The following DHX29 variants were observed in gnomAD, a reference collection of about 807,000 sequenced individuals.
DHX29 encodes the protein DExH-box helicase 29, also known as ATP-dependent RNA helicase DHX29.
DHX29 carries 79 observed loss-of-function variants against 167.9 expected under a neutral mutation model. The ratio of observed to expected loss-of-function variants is 0.47; its 90% CI spans 0.39 to 0.57. The LOEUF (loss-of-function observed/expected upper bound fraction) is 0.57. Among genes scored for constraint, DHX29 ranks in the 20% least tolerant of loss-of-function variants. The pLI, the probability that DHX29 is intolerant of heterozygous loss-of-function variation, is 0.00. For synonymous variants in DHX29, 530 were observed against 546.0 expected (o/e 0.97, Z 0.41); for missense variants, 1,347 against 1,593.4 (o/e 0.85, Z 2.63).
At chr5:55,271,065 G>A (rs188816713) in intron 18 of DHX29, among the ~76,000 whole-genome samples, 3 of 152,164 alleles carry the variant, frequency 2.0e-5, no homozygotes, top group African/African-American at 4.8e-5. Flanking sequence ...TACCTTTCAC[G>A]ATACAGTTAA....
chr5:55,300,005 A>G (rs149132054), intron 1 of DHX29, among the ~76,000 whole-genome samples: 1 of 152,338 alleles, frequency 6.6e-6, no homozygotes, highest in African/African-American at 2.4e-5. Flanking sequence ...GTTTTTGTTT[A>G]TGTGGGTTAT....
At chr5:55,293,984 C>T in intron 6 of DHX29, 33 bp downstream of exon 6, 1 of 1,591,958 alleles carries the variant, frequency 6.3e-7, no homozygotes, top group Non-Finnish European at 8.5e-7. Context: ...TTAAGAGCAT[C>T]CAGTTAGAAG....
intron 10 of DHX29, 70 bp from the exon 11 acceptor site, chr5:55,283,881 A>G: frequency 7.7e-7 from 1 of 1,297,242 alleles, no homozygotes; most frequent in South Asian, 1.5e-5. Context: ...ATTAGCACTT[A>G]AAAGGATAGC....
rs1174280678 is a variant in DHX29 at position 55,269,776 on chromosome 5, A to T, written c.3070-139T>A. The stretch of plus-strand genomic sequence containing the variant: ...AATGTGAAAGTAGGGCTATCCTGTT[A>T]TTTTTTTTATAATGGGGGTAGAGGA... On this transcript the variant is annotated intron_variant, in intron 20 of 26. Coordinates refer to ENST00000251636, the MANE Select transcript of DHX29 (RefSeq NM_019030.4). 4 of 652,808 alleles carry T rather than the reference A, an allele frequency of 6.1e-6. No individual in the cohort carries two copies. In the African/African-American group the frequency reaches 7.9e-5, roughly 13 times the overall value. 40.4% of individuals were successfully genotyped at this position (652,808 alleles called of 1,614,324 possible).
At position 55,285,338 on chromosome 5, in the gene DHX29, C is replaced by T. The variant is rs370602839; in HGVS notation, c.1311G>A (p.Gln437=). 459 of 1,613,896 alleles carry T rather than the reference C, an allele frequency of 2.8e-4. 2 individuals carry two copies. The highest frequency in any genetic ancestry group is 3.9e-4 in the Non-Finnish European group (455 of 1,180,024). ...TILTEDGMQA[Q]HLGATLALYR... Reference sequence around the variant, plus strand: ...AAAGGGCTAAAGTAGCTCCCAGGTGCTGAGCTTGCATGCCATCTTCTGTTA... The same window carrying T: ...AAAGGGCTAAAGTAGCTCCCAGGTGTTGAGCTTGCATGCCATCTTCTGTTA... The change falls in exon 10 of 27, where the codon CAG becomes CAA. Residue 437 remains glutamine, a synonymous_variant. Coordinates refer to ENST00000251636, the MANE Select transcript of DHX29 (RefSeq NM_019030.4).
chr5:55,269,918 A>G (rs1479334660), intron 20 of DHX29, among the ~76,000 whole-genome samples: 1 of 152,130 alleles, frequency 6.6e-6, no homozygotes. Flanking sequence ...GGAGTCAAAA[A>G]TCTAAGAACT....
chr5:55,303,722 G>GT lies in DHX29; in HGVS notation c.187+3664dup, dbSNP rs200970532. ...TTTCCACCTTAGGGTTTTTAGGCTT[G>GT]TTTTTCCCTCTGCCACAAATACTCT... On this transcript the variant is annotated intron_variant, in intron 1 of 26. Transcript: ENST00000251636. Among the ~76,000 whole-genome samples, 805 of 152,210 alleles carry GT rather than the reference G, an allele frequency of 5.3e-3. 5 individuals are homozygous for GT. The highest frequency in any genetic ancestry group is 9.4e-3 in the Non-Finnish European group (640 of 68,008).
chr5:55,269,945 C>T (rs2111825256), intron 20 of DHX29, among the ~76,000 whole-genome samples: 1 of 152,182 alleles, frequency 6.6e-6, no homozygotes, highest in African/African-American at 2.4e-5. Flanking sequence ...TATTATAGAT[C>T]TTTCAGTCTA....
intron 6 of DHX29, among the ~76,000 whole-genome samples, chr5:55,290,609 GA>G (rs1747993343): frequency 6.6e-6 from 1 of 152,170 alleles, no homozygotes; most frequent in African/African-American, 2.4e-5. Flanking sequence ...TCAGTCATTA[GA>G]AAATAAAATA....
intron 1 of DHX29, among the ~76,000 whole-genome samples, chr5:55,299,135 C>G (rs544831341): frequency 6.6e-6 from 1 of 151,630 alleles, no homozygotes; most frequent in East Asian, 1.9e-4. Flanking sequence ...TAGTAGCTAG[C>G]AATATCCTCT....
In DHX29 at chr5:55,285,742, T is replaced by C. The variant is rs1482263513; in HGVS notation, c.1186A>G (p.Asn396Asp). The C allele has an allele frequency of 6.2e-7, 1 of 1,600,630 alleles. No homozygotes were observed. The highest frequency in any genetic ancestry group is 2.2e-5 in the East Asian group (1 of 44,510). ...ACTGGAACTTTTTCAAAGGAAGGATTTGGACTCTTGGGAAGATTCTTCCTG... is the reference window on the plus strand; with the variant it reads ...ACTGGAACTTTTTCAAAGGAAGGATCTGGACTCTTGGGAAGATTCTTCCTG... ...WVRKNLPKSP[N>D]PSFEKVPVGR... Residue 396 changes from asparagine (N) to aspartate (D), a missense_variant, in exon 9 of 27, where the codon AAT (asparagine) becomes GAT (aspartate). Coordinates refer to ENST00000251636, the MANE Select transcript of DHX29 (RefSeq NM_019030.4).
At chr5:55,284,403 T>C (rs928618419) in intron 10 of DHX29, among the ~76,000 whole-genome samples, 1 of 152,242 alleles carries the variant, frequency 6.6e-6, no homozygotes, top group African/African-American at 2.4e-5. Flanking sequence ...AATTCTGTGC[T>C]ATAAAGAATC....
intron 26 of DHX29, among the ~76,000 whole-genome samples, chr5:55,257,871 T>A (rs537816818): frequency 6.6e-6 from 1 of 152,340 alleles, no homozygotes; most frequent in South Asian, 2.1e-4. Context: ...CTTTATAAAA[T>A]GTAATTCTTT....
intron 26 of DHX29, among the ~76,000 whole-genome samples, chr5:55,257,792 G>A (rs2111766598): frequency 6.6e-6 from 1 of 152,166 alleles, no homozygotes; most frequent in South Asian, 2.1e-4. Flanking sequence ...CTCTCTTATG[G>A]CAAAGGGAAA....
rs958022112 is a variant in DHX29 at position 55,276,167 on chromosome 5, C to T, written c.2427+99G>A. 6 of 1,032,490 alleles carry T rather than the reference C, an allele frequency of 5.8e-6. No homozygotes were observed. In the South Asian group the frequency reaches 1.1e-4, roughly 19 times the overall value. 64.0% of individuals were successfully genotyped at this position (1,032,490 alleles called of 1,614,324 possible). On this transcript the variant is annotated intron_variant, in intron 14 of 26. Coordinates refer to ENST00000251636, the MANE Select transcript of DHX29 (RefSeq NM_019030.4). ...TCTGTTCCTCATCTATCAAATTATA[C>T]TCAAATTCACTGTGTTAACCACATG...
At chr5:55,273,838 G>C (rs947028903) in intron 16 of DHX29, among the ~76,000 whole-genome samples, 1 of 152,124 alleles carries the variant, frequency 6.6e-6, no homozygotes, top group African/African-American at 2.4e-5. Context: ...TGTAATCCCA[G>C]CACTTTGGGA....
chr5:55,270,277 G>A, intron 20 of DHX29, 135 bp downstream of exon 20: 1 of 961,996 alleles, frequency 1.0e-6, no homozygotes, highest in Non-Finnish European at 1.5e-6. Flanking sequence ...ATAATAAGAT[G>A]GATAAGGGCA....
At chr5:55,257,703 AAG>A in intron 26 of DHX29, among the ~76,000 whole-genome samples, 1 of 152,326 alleles carries the variant, frequency 6.6e-6, no homozygotes, top group East Asian at 1.9e-4. Context: ...TTATAAATCC[AAG>A]AGAGAGCACT....
intron 26 of DHX29, among the ~76,000 whole-genome samples, chr5:55,257,749 A>G (rs1198752073): frequency 6.6e-6 from 1 of 152,214 alleles, no homozygotes; most frequent in East Asian, 1.9e-4. Context: ...AGTCAAACGT[A>G]TATACTACAC....
Sources: gnomAD v4.1 joint callset for allele counts (sites outside exome capture counted in the v4.1 genomes callset) on GRCh38, gnomAD v4.1.1 for gene constraint, MANE v1.5 for transcripts, NCBI Gene and HGNC (gene_info 2026-07-23, HGNC 2026-07-21) for gene names.